The following MED27 variants were observed in gnomAD, a reference collection of about 807,000 sequenced individuals.
The protein encoded by MED27 is mediator complex subunit 27, also known as mediator of RNA polymerase II transcription subunit 27.
Under a neutral mutation model 38.2 loss-of-function variants are expected in MED27, and 30 were observed. The observed-to-expected ratio is 0.79, with a 90% confidence interval of 0.59 to 1.07. The LOEUF (loss-of-function observed/expected upper bound fraction) is 1.07. Among genes scored for constraint, MED27 ranks in the 50% least tolerant of loss-of-function variants. The pLI is 0.00. For missense variants in MED27, 289 were observed against 397.5 expected (o/e 0.73, Z 2.32); for synonymous variants, 122 against 153.5 (o/e 0.79, Z 1.52).
intron 2 of MED27, among the ~76,000 whole-genome samples, chr9:132,029,699 C>T (rs1012424301): frequency 6.6e-5 from 10 of 152,110 alleles, no homozygotes; most frequent in African/African-American, 2.2e-4. Flanking sequence ...GGGAGGAAGA[C>T]AAGCCAAGAG....
At chr9:131,928,045 A>G (rs1231730448) in intron 4 of MED27, among the ~76,000 whole-genome samples, 2 of 152,114 alleles carry the variant, frequency 1.3e-5, no homozygotes, top group African/African-American at 2.4e-5. Flanking sequence ...AGCCCTCTAC[A>G]CTCATATACC....
At chr9:131,991,700 TATCA>T (rs1280768250) in intron 3 of MED27, among the ~76,000 whole-genome samples, 28 of 152,332 alleles carry the variant, frequency 1.8e-4, no homozygotes, top group Non-Finnish European at 2.4e-4. Flanking sequence ...GTCTTGGAGA[TATCA>T]ATCATTTATT....
intron 3 of MED27, among the ~76,000 whole-genome samples, chr9:131,987,578 C>G (rs76121035): frequency 2.0e-5 from 3 of 152,148 alleles, no homozygotes; most frequent in Non-Finnish European, 4.4e-5. Flanking sequence ...AGAGATCAAA[C>G]GGTTATTCAA....
In MED27 at chr9:131,867,129, C is replaced by T. The variant is rs890273460; in HGVS notation, c.724-3989G>A. Among the ~76,000 whole-genome samples the T allele has an allele frequency of 2.0e-5, 3 of 152,334 alleles. No homozygotes were observed. The South Asian group carries it at 6.2e-4, about 32-fold the overall frequency. On this transcript the variant is annotated intron_variant, in intron 6 of 7. Coordinates refer to ENST00000292035, the MANE Select transcript of MED27 (RefSeq NM_004269.4). Reference sequence around the variant, plus strand: ...TTCCCTACCTTGAGCCCATGTCAGTCTAGTGCCTGATGCAGAGGTCCTCAG... The same window carrying T: ...TTCCCTACCTTGAGCCCATGTCAGTTTAGTGCCTGATGCAGAGGTCCTCAG...
intron 6 of MED27, chr9:131,868,544 G>A: frequency 1.0e-6 from 1 of 976,928 alleles, no homozygotes; most frequent in Non-Finnish European, 1.2e-6. Flanking sequence ...ACAAAGTGCT[G>A]GGATTACAGG....
At chr9:131,885,327 T>C (rs1319700217) in intron 5 of MED27, among the ~76,000 whole-genome samples, 1 of 152,232 alleles carries the variant, frequency 6.6e-6, no homozygotes, top group East Asian at 1.9e-4. Flanking sequence ...CATCTGGTGG[T>C]GCTCAAATCC....
chr9:131,907,855 C>T (rs1378533093), intron 4 of MED27, among the ~76,000 whole-genome samples: 2 of 148,710 alleles, frequency 1.3e-5, no homozygotes, highest in African/African-American at 2.5e-5. Flanking sequence ...ATGTGGGGAG[C>T]GCCTCTGCCC....
At chr9:131,892,753 CAGAGTTTACA>C (rs1839249813) in intron 5 of MED27, among the ~76,000 whole-genome samples, 1 of 152,176 alleles carries the variant, frequency 6.6e-6, no homozygotes, top group Admixed American at 6.5e-5. Flanking sequence ...GAGCAGCTGT[CAGAGTTTACA>C]AATCAGACGC....
At chr9:131,956,564 C>A (rs1352783308) in intron 3 of MED27, among the ~76,000 whole-genome samples, 1 of 149,382 alleles carries the variant, frequency 6.7e-6, no homozygotes, top group Non-Finnish European at 1.5e-5. Context: ...TGCAGTGAGC[C>A]GAGATCACGC....
intron 2 of MED27, among the ~76,000 whole-genome samples, chr9:132,074,277 T>C (rs1275540531): frequency 6.6e-6 from 1 of 151,974 alleles, no homozygotes; most frequent in Non-Finnish European, 1.5e-5. Flanking sequence ...ATTCTAACAA[T>C]TATGCCAAGT....
rs769183534 is a variant in MED27, at chr9:131,944,378, A to G, written c.480-4904T>C. ...CCTGACGTCTGATTGTTTCAAATCC[A>G]CTTACTAGTATCTGCACCCAATCAC... On this transcript the variant is annotated intron_variant, in intron 3 of 7. Coordinates refer to ENST00000292035, the MANE Select transcript of MED27 (RefSeq NM_004269.4). 5.9e-5 allele frequency among the ~76,000 whole-genome samples: 9 copies of G among 152,012 alleles called. No individual in the cohort carries two copies. The South Asian group carries it at 6.2e-4, about 11-fold the overall frequency.
chr9:131,967,262 G>A (rs1831368557), intron 3 of MED27, among the ~76,000 whole-genome samples: 1 of 152,094 alleles, frequency 6.6e-6, no homozygotes, highest in Non-Finnish European at 1.5e-5. Flanking sequence ...AGAAATGCAT[G>A]GTACAATTTT....
At chr9:131,922,820 G>C (rs1364455423) in intron 4 of MED27, among the ~76,000 whole-genome samples, 1 of 151,918 alleles carries the variant, frequency 6.6e-6, no homozygotes, top group African/African-American at 2.4e-5. Flanking sequence ...CGCCATGGTG[G>C]CCAGGCTGGT....
chr9:131,937,997 A>G (rs1830713836), intron 4 of MED27, among the ~76,000 whole-genome samples: 1 of 152,162 alleles, frequency 6.6e-6, no homozygotes, highest in Non-Finnish European at 1.5e-5. Flanking sequence ...AAAACATCGC[A>G]TTATCTCCTT....
chr9:131,957,475 T>A (rs1489777419), intron 3 of MED27, among the ~76,000 whole-genome samples: 1 of 152,126 alleles, frequency 6.6e-6, no homozygotes, highest in Non-Finnish European at 1.5e-5. Flanking sequence ...AGGCTGATCT[T>A]GAACACTTGA....
chr9:131,897,516 T>A (rs1200868537), intron 4 of MED27, among the ~76,000 whole-genome samples: 1 of 152,164 alleles, frequency 6.6e-6, no homozygotes, highest in Non-Finnish European at 1.5e-5. Context: ...TTGTATGAGA[T>A]GTGGGTGTCA....
chr9:131,920,469 C>T (rs896908170), intron 4 of MED27, among the ~76,000 whole-genome samples: 1 of 152,178 alleles, frequency 6.6e-6, no homozygotes, highest in African/African-American at 2.4e-5. Context: ...TACTATGTGC[C>T]AGGCATTCTT....
At chr9:132,069,372 G>C (rs1833882458) in intron 2 of MED27, among the ~76,000 whole-genome samples, 1 of 152,202 alleles carries the variant, frequency 6.6e-6, no homozygotes. Context: ...ACTATTTTCA[G>C]AAACCACAAC....
intron 4 of MED27, among the ~76,000 whole-genome samples, chr9:131,930,558 GACAA>G (rs1302284909): frequency 3.3e-5 from 5 of 152,028 alleles, no homozygotes; most frequent in African/African-American, 1.2e-4. Context: ...GACTTTTTCA[GACAA>G]ACAAAACCTG....
Sources: gnomAD v4.1 joint callset for allele counts (sites outside exome capture counted in the v4.1 genomes callset) on GRCh38, gnomAD v4.1.1 for gene constraint, MANE v1.5 for transcripts, NCBI Gene and HGNC (gene_info 2026-07-23, HGNC 2026-07-21) for gene names.